ANKRD27: variants seen among roughly 807,000 people sequenced by gnomAD.
The protein encoded by ANKRD27 is ankyrin repeat domain 27, also known as ankyrin repeat domain-containing protein 27.
ANKRD27 carries 112 observed loss-of-function variants against 129.7 expected under a neutral mutation model. The observed-to-expected ratio is 0.86, with a 90% CI of 0.74 to 1.01. The LOEUF (loss-of-function observed/expected upper bound fraction) is 1.01, where lower values mean the gene tolerates loss of function less well. Among genes scored for constraint, ANKRD27 ranks in the 50% least tolerant of loss-of-function variants. The pLI, the probability that ANKRD27 is intolerant of heterozygous loss-of-function variation, is 0.00. For missense variants in ANKRD27, 1,258 were observed against 1,300.5 expected (o/e 0.97, Z 0.50); for synonymous variants, 516 against 511.2 (o/e 1.01, Z -0.13).
intron 3 of ANKRD27, 108 bp from the exon 4 acceptor site, chr19:32,646,723 T>A (rs259220): frequency 0.75 from 897,339 of 1,201,706 alleles, 337,083 homozygotes; most frequent in African/African-American, 0.91. Flanking sequence ...CTTCACCCCA[T>A]TGTGGGTTTG....
chr19:32,641,741 T>TCTTG (rs1049254345), intron 10 of ANKRD27, among the ~76,000 whole-genome samples: 1 of 151,686 alleles, frequency 6.6e-6, no homozygotes, highest in African/African-American at 2.4e-5. Flanking sequence ...ACTGACTTTT[T>TCTTG]CTTGACTTGT....
chr19:32,607,579 A>G (rs1240636653), intron 23 of ANKRD27, 56 bp downstream of exon 23: 9 of 1,570,694 alleles, frequency 5.7e-6, no homozygotes, highest in South Asian at 3.5e-5. Flanking sequence ...ACCAAGCACA[A>G]GGTCCTAGCC....
chr19:32,644,883 T>C (rs187703149), intron 4 of ANKRD27, among the ~76,000 whole-genome samples: 1 of 152,218 alleles, frequency 6.6e-6, no homozygotes, highest in African/African-American at 2.4e-5. Flanking sequence ...AAGCTGGGGC[T>C]ACTGCTTTGC....
At chr19:32,640,281 A>G in intron 11 of ANKRD27, 26 bp downstream of exon 11, 1 of 1,601,226 alleles carries the variant, frequency 6.2e-7, no homozygotes, top group South Asian at 1.1e-5. Flanking sequence ...CCATTTTCAA[A>G]AGAGTATCTT....
At chr19:32,673,982 CAAAAAAA>C (rs59398609) in intron 1 of ANKRD27, among the ~76,000 whole-genome samples, 3 of 110,980 alleles carry the variant, frequency 2.7e-5, no homozygotes, top group Non-Finnish European at 5.6e-5. Context: ...TCCATCTCTA[CAAAAAAA>C]AAAAAAAAAA....
chr19:32,628,640 T>A (rs924190576), intron 14 of ANKRD27, 82 bp downstream of exon 14: 14 of 1,564,460 alleles, frequency 8.9e-6, no homozygotes, highest in Non-Finnish European at 1.2e-5. Context: ...TTATCTGCAG[T>A]CACACAGCGC....
At chr19:32,614,304 T>C (rs186974872) in intron 22 of ANKRD27, among the ~76,000 whole-genome samples, 1 of 152,242 alleles carries the variant, frequency 6.6e-6, no homozygotes, top group African/African-American at 2.4e-5. Flanking sequence ...TCTAAAACAC[T>C]GGGCTAGAAA....
chr19:32,633,703 C>G (rs1442730340), intron 12 of ANKRD27, among the ~76,000 whole-genome samples: 1 of 151,854 alleles, frequency 6.6e-6, no homozygotes, highest in Non-Finnish European at 1.5e-5. Flanking sequence ...TTTCAGAAAG[C>G]TGAAGTCTTC....
intron 22 of ANKRD27, among the ~76,000 whole-genome samples, chr19:32,609,054 G>A (rs1971794892): frequency 6.6e-6 from 1 of 151,144 alleles, no homozygotes; most frequent in African/African-American, 2.4e-5. Context: ...TTGTAGTAGA[G>A]ACAGGGTTTT....
intron 21 of ANKRD27, 104 bp from the exon 22 acceptor site, chr19:32,615,884 T>C: frequency 6.7e-7 from 1 of 1,483,960 alleles, no homozygotes. Flanking sequence ...GGCCCACGCT[T>C]CCTTCTCCAA....
intron 28 of ANKRD27, 29 bp from the exon 29 acceptor site, chr19:32,598,407 G>A (rs759548763): frequency 6.2e-7 from 1 of 1,607,862 alleles, no homozygotes; most frequent in Non-Finnish European, 8.5e-7. Context: ...TTTAACCGTT[G>A]ACGTCCTCAC....
At position 32,619,598 on chromosome 19, in the gene ANKRD27, G is replaced by T. The variant is rs77275135; in HGVS notation, c.1828-45C>A. On this transcript the variant is annotated intron_variant, in intron 18 of 28. Transcript: ENST00000306065. Reference sequence around the variant, plus strand: ...GCCAACAGTACCCCGTGAGATGGGGGTCGTCTCAGCACAGTGCCATCACCC... The same window carrying T: ...GCCAACAGTACCCCGTGAGATGGGGTTCGTCTCAGCACAGTGCCATCACCC... 5.7e-5 allele frequency: 92 copies of T among 1,606,910 alleles called. 2 individuals carry two copies. In the East Asian group the frequency reaches 1.6e-3, roughly 28 times the overall value.
intron 28 of ANKRD27, 28 bp downstream of exon 28, chr19:32,599,676 G>A (rs1173563353): frequency 1.3e-6 from 2 of 1,589,370 alleles, no homozygotes; most frequent in Middle Eastern, 1.7e-4. Context: ...TAGAAAATAT[G>A]ATTAAAAGCC....
chr19:32,661,432 G>C (rs1374152569), intron 1 of ANKRD27, among the ~76,000 whole-genome samples: 5 of 152,144 alleles, frequency 3.3e-5, no homozygotes, highest in African/African-American at 1.2e-4. Flanking sequence ...CTGGGCTCAA[G>C]TGATCTCCCA....
chr19:32,641,764 C>CTTTTTT lies in ANKRD27; in HGVS notation c.904+259_904+260insAAAAAA, dbSNP rs35422369. Among the ~76,000 whole-genome samples the CTTTTTT allele has an allele frequency of 1.6e-4, 13 of 79,726 alleles. 4 individuals are homozygous for CTTTTTT. The highest frequency in any genetic ancestry group is 2.8e-4 in the African/African-American group (4 of 14,170). The allele number at this position is 79,726 out of a possible 152,430, so 52.3% of individuals were successfully genotyped here. A position where few individuals can be genotyped will look rare whatever the true frequency, so the allele number is the denominator to read the frequency against. On this transcript the variant is annotated intron_variant, in intron 10 of 28. Coordinates refer to ENST00000306065, the MANE Select transcript of ANKRD27 (RefSeq NM_032139.3). ...TTTCTTGACTTGTTTTCTTTTACTT[C>CTTTTTT]TTCTTTTTTTTTTTTTTTTTTGAGA...
At chr19:32,631,575 G>C in intron 12 of ANKRD27, 81 bp from the exon 13 acceptor site, 1 of 1,124,628 alleles carries the variant, frequency 8.9e-7, no homozygotes, top group Non-Finnish European at 1.3e-6. Context: ...AACCCCGGCT[G>C]TCTCTTCAGA....
intron 2 of ANKRD27, among the ~76,000 whole-genome samples, chr19:32,652,386 T>C (rs1246829978): frequency 1.3e-5 from 2 of 151,468 alleles, no homozygotes; most frequent in African/African-American, 4.9e-5. Flanking sequence ...GGTCAGGAGT[T>C]TGAGACCAGC....
rs560682195 is a variant in ANKRD27, at chr19:32,611,685, G to A, written c.2176-3853C>T. 1.5e-3 allele frequency among the ~76,000 whole-genome samples: 232 copies of A among 152,212 alleles called. 2 individuals carry two copies. The highest frequency in any genetic ancestry group is 4.0e-3 in the African/African-American group (168 of 41,532). ...CAACCTCCGCCTCCTGGGTTCAAGCGATTCTCCTGCCTCAGCCTCCCGAGT... is the reference window on the plus strand; with the variant it reads ...CAACCTCCGCCTCCTGGGTTCAAGCAATTCTCCTGCCTCAGCCTCCCGAGT... On this transcript the variant is annotated intron_variant, in intron 22 of 28. Transcript: ENST00000306065.
At position 32,640,316 on chromosome 19, in the gene ANKRD27, A is replaced by T. The variant is rs1447511806; in HGVS notation, c.974T>A (p.Ile325Asn). 1.2e-6 allele frequency: 2 copies of T among 1,613,546 alleles called. No homozygotes were observed. The highest frequency in any genetic ancestry group is 2.2e-5 in the South Asian group (2 of 91,076). ...VLLYLLVKTE[I>N]PNWMANLSYI... ...TAAAAGAAAATGTTACCAATTAGGG[A>T]TCTCCGTTTTCACAAGCAAGTATAA... The change falls in exon 11 of 29, where the codon ATC becomes AAC. Residue 325 changes from isoleucine to asparagine, a missense_variant. By Grantham distance (149) the Ile-to-Asn change is moderately radical. Coordinates refer to ENST00000306065, the MANE Select transcript of ANKRD27 (RefSeq NM_032139.3).
Sources: allele counts gnomAD v4.1 joint callset (sites outside exome capture counted in the v4.1 genomes callset), GRCh38; gene constraint gnomAD v4.1.1; transcripts MANE v1.5; gene names NCBI Gene and HGNC (gene_info 2026-07-23, HGNC 2026-07-21).